The following SMURF2 variants were observed in gnomAD, a reference collection of about 807,000 sequenced individuals.
SMURF2 encodes E3 ubiquitin-protein ligase SMURF2.
In SMURF2, 48 loss-of-function variants were observed where a neutral mutation model predicts 109.6. The ratio of observed to expected loss-of-function variants is 0.44; its 90% CI spans 0.35 to 0.56. The LOEUF (loss-of-function observed/expected upper bound fraction) is 0.56, where lower values mean the gene tolerates loss of function less well. Among genes scored for constraint, SMURF2 ranks in the 20% least tolerant of loss-of-function variants. The pLI is 0.01. For synonymous variants in SMURF2, 288 were observed against 317.1 expected, an observed-to-expected ratio of 0.91 and a Z score of 0.97; for missense variants, 575 against 909.0, an observed-to-expected ratio of 0.63 and a Z score of 4.72.
intron 17 of SMURF2, among the ~76,000 whole-genome samples, chr17:64,546,821 T>G (rs1968960311): frequency 6.6e-6 from 1 of 152,208 alleles, no homozygotes; most frequent in African/African-American, 2.4e-5. Flanking sequence ...ACAACTTCAC[T>G]TTATGCATCT....
chr17:64,573,264 A>G (rs1242461300), intron 9 of SMURF2, among the ~76,000 whole-genome samples: 1 of 47,518 alleles, frequency 2.1e-5, no homozygotes, highest in Non-Finnish European at 3.9e-5. Flanking sequence ...GAGGAGGAGG[A>G]GGAGGAGGAG....
chr17:64,545,964 C>G lies in SMURF2; in HGVS notation c.2148-17G>C. ...CGATTGAAGCTGTGAATAAGCAAAT[C>G]AAATTTTATACAGTTCATTCAAAAT... On this transcript the variant is annotated splice_polypyrimidine_tract_variant and intron_variant, in intron 18 of 18. Coordinates refer to ENST00000262435, the MANE Select transcript of SMURF2 (RefSeq NM_022739.4). 1 of 1,489,614 alleles carries G rather than the reference C, an allele frequency of 6.7e-7. No individual in the cohort carries two copies. The highest frequency in any genetic ancestry group is 9.4e-7 in the Non-Finnish European group (1 of 1,066,610). 92.3% of individuals were successfully genotyped at this position (1,489,614 alleles called of 1,614,324 possible).
chr17:64,623,157 T>C (rs944481895), intron 1 of SMURF2, among the ~76,000 whole-genome samples: 1 of 152,124 alleles, frequency 6.6e-6, no homozygotes, highest in African/African-American at 2.4e-5. Flanking sequence ...GAATTAGTCA[T>C]TTCTCCAAGC....
chr17:64,642,029 A>G (rs902784809), intron 1 of SMURF2, among the ~76,000 whole-genome samples: 1 of 151,950 alleles, frequency 6.6e-6, no homozygotes, highest in Non-Finnish European at 1.5e-5. Context: ...CTGGTCTCAA[A>G]CTCCTGAGCT....
chr17:64,644,656 A>C (rs1262178271), intron 1 of SMURF2, among the ~76,000 whole-genome samples: 4 of 151,706 alleles, frequency 2.6e-5, no homozygotes, highest in Non-Finnish European at 5.9e-5. Flanking sequence ...TCACGCCTGT[A>C]ATCACAGCAC....
At chr17:64,554,692 G>A (rs1210476366) in intron 15 of SMURF2, among the ~76,000 whole-genome samples, 164 bp downstream of exon 15, 4 of 152,130 alleles carry the variant, frequency 2.6e-5, no homozygotes, top group Non-Finnish European at 2.9e-5. Context: ...CCTGACCCAT[G>A]GAATTGTGAG....
chr17:64,637,769 G>A (rs374614440), intron 1 of SMURF2, among the ~76,000 whole-genome samples: 13 of 151,822 alleles, frequency 8.6e-5, no homozygotes, highest in African/African-American at 3.1e-4. Context: ...TCACCATGTG[G>A]ACCGTGCTGG....
intron 12 of SMURF2, among the ~76,000 whole-genome samples, chr17:64,559,707 A>G (rs955595633): frequency 6.0e-5 from 9 of 151,074 alleles, no homozygotes; most frequent in African/African-American, 2.2e-4. Flanking sequence ...GGAGTTTGAG[A>G]CCAGCCTGGG....
At chr17:64,611,523 G>A (rs1970044450) in intron 1 of SMURF2, among the ~76,000 whole-genome samples, 1 of 152,128 alleles carries the variant, frequency 6.6e-6, no homozygotes, top group African/African-American at 2.4e-5. Context: ...CACTACCCAA[G>A]TCAGAAATCT....
intron 1 of SMURF2, among the ~76,000 whole-genome samples, chr17:64,609,758 C>T (rs1291252663): frequency 6.6e-6 from 1 of 151,938 alleles, no homozygotes; most frequent in Admixed American, 6.6e-5. Flanking sequence ...GCAACAAAAG[C>T]CAAAATAGAC....
At chr17:64,558,450 C>T (rs546648189) in intron 12 of SMURF2, among the ~76,000 whole-genome samples, 9 of 151,826 alleles carry the variant, frequency 5.9e-5, no homozygotes, top group African/African-American at 9.7e-5. Flanking sequence ...ACTCCTATCA[C>T]GACCAGTTTA....
At chr17:64,560,000 C>T (rs1216188755) in intron 12 of SMURF2, among the ~76,000 whole-genome samples, 4 of 151,834 alleles carry the variant, frequency 2.6e-5, no homozygotes, top group Admixed American at 6.6e-5. Context: ...GATCTGCCCA[C>T]CTCAGTCTCC....
chr17:64,547,417 A>G lies in SMURF2; in HGVS notation c.2071+183T>C, dbSNP rs1195844132. On this transcript the variant is annotated intron_variant, in intron 17 of 18. Transcript: ENST00000262435. This position sits in a 1 kb window ranked among gnomAD's most constrained non-coding sequence, Gnocchi z 4.2. ...CACTACAATCAGAGAAGCCCGCAGA[A>G]AAGGCTCTTGGGAAGGGAACAAAAG... Among the ~76,000 whole-genome samples, 7 of 152,240 alleles carry G rather than the reference A, an allele frequency of 4.6e-5. No individual in the cohort carries two copies. The highest frequency in any genetic ancestry group is 1.7e-4 in the African/African-American group (7 of 41,464).
chr17:64,601,123 GC>G (rs1436620548), intron 2 of SMURF2, among the ~76,000 whole-genome samples: 3 of 152,088 alleles, frequency 2.0e-5, no homozygotes, highest in Non-Finnish European at 4.4e-5. Flanking sequence ...AAGCATGGTG[GC>G]ATACGTCTGT....
chr17:64,557,561 T>C (rs1184331490), intron 13 of SMURF2, 47 bp downstream of exon 13: 2 of 1,201,524 alleles, frequency 1.7e-6, no homozygotes, highest in African/African-American at 1.5e-5. Flanking sequence ...CATGTAAACA[T>C]GAAAAGCATT....
At chr17:64,606,667 A>C in intron 1 of SMURF2, 27 bp from the exon 2 acceptor site, 1 of 1,452,824 alleles carries the variant, frequency 6.9e-7, no homozygotes, top group Non-Finnish European at 9.3e-7. Flanking sequence ...CAAAAAATAC[A>C]TGGGAAAAAT....
At chr17:64,654,792 G>A (rs1416950041) in intron 1 of SMURF2, among the ~76,000 whole-genome samples, 3 of 152,114 alleles carry the variant, frequency 2.0e-5, no homozygotes, top group Non-Finnish European at 2.9e-5. Flanking sequence ...TGGCGCCATC[G>A]CACTCCAGCC....
intron 12 of SMURF2, among the ~76,000 whole-genome samples, chr17:64,560,209 ACC>A (rs1469350748): frequency 1.3e-5 from 2 of 151,856 alleles, no homozygotes; most frequent in African/African-American, 2.4e-5. Flanking sequence ...ACAGAGTGAG[ACC>A]CCGTCTCTAA....
At chr17:64,630,807 C>T (rs1331501019) in intron 1 of SMURF2, among the ~76,000 whole-genome samples, 2 of 152,086 alleles carry the variant, frequency 1.3e-5, no homozygotes, top group Admixed American at 6.6e-5. Context: ...TATATCATTG[C>T]GGAGAACTTA....
Sources: gnomAD v4.1 joint callset for allele counts (sites outside exome capture counted in the v4.1 genomes callset) on GRCh38, gnomAD v4.1.1 for gene constraint, Gnocchi (gnomAD v3.1) non-coding constraint, MANE v1.5 for transcripts, NCBI Gene and HGNC (gene_info 2026-07-23, HGNC 2026-07-21) for gene names.